The following TMEM150C variants were observed in gnomAD, a reference collection of about 807,000 sequenced individuals.
TMEM150C encodes the protein tentonin 3.
TMEM150C carries 10 observed loss-of-function variants against 29.9 expected under a neutral mutation model. That is an observed-to-expected ratio of 0.33 (90% CI 0.21 to 0.57). The LOEUF is 0.57. TMEM150C is among the 20% of genes least tolerant of loss of function. The pLI is 0.88. For missense variants in TMEM150C, 251 were observed against 303.6 expected (o/e 0.83, Z 1.29); for synonymous variants, 101 against 112.5 (o/e 0.90, Z 0.64).
intron 1 of TMEM150C, among the ~76,000 whole-genome samples, chr4:82,547,493 G>T (rs1725425637): frequency 2.0e-5 from 3 of 152,126 alleles, no homozygotes; most frequent in Admixed American, 6.5e-5. Context: ...GGAGACTGGG[G>T]CAGGAGAATA....
chr4:82,505,311 TGTTG>T (rs2110070532), intron 1 of TMEM150C, among the ~76,000 whole-genome samples: 1 of 152,268 alleles, frequency 6.6e-6, no homozygotes, highest in Non-Finnish European at 1.5e-5. Flanking sequence ...CCTTCCAAAG[TGTTG>T]AGATTACAGG....
At chr4:82,505,994 G>A (rs1723907320) in intron 1 of TMEM150C, among the ~76,000 whole-genome samples, 1 of 152,122 alleles carries the variant, frequency 6.6e-6, no homozygotes, top group Non-Finnish European at 1.5e-5. Context: ...CTGGGGACCT[G>A]ACAATCAGAA....
intron 1 of TMEM150C, among the ~76,000 whole-genome samples, chr4:82,553,733 T>C (rs746126547): frequency 4.6e-5 from 7 of 152,242 alleles, no homozygotes; most frequent in Non-Finnish European, 7.3e-5. Flanking sequence ...AATTGCTACA[T>C]TTATGATTCT....
chr4:82,543,944 A>T (rs536742115), intron 1 of TMEM150C, among the ~76,000 whole-genome samples: 20 of 152,270 alleles, frequency 1.3e-4, no homozygotes, highest in Admixed American at 4.6e-4. Flanking sequence ...TCCTCCTTTG[A>T]TACATAAGAA....
In TMEM150C at chr4:82,518,796, T is replaced by C. The variant is rs544299545; in HGVS notation, c.-10-14129A>G. On this transcript the variant is annotated intron_variant, in intron 1 of 7. Coordinates refer to ENST00000449862, the MANE Select transcript of TMEM150C (RefSeq NM_001080506.3). ...AGGATTGGAACCTGACTAATTCACC[T>C]TTAAAGCAGCTCTACGGTACTTGGT... 1.2e-3 allele frequency among the ~76,000 whole-genome samples: 176 copies of C among 152,326 alleles called. 7 individuals are homozygous for C. The South Asian group carries it at 0.034, about 30-fold the overall frequency.
At chr4:82,527,670 C>T (rs543696169) in intron 1 of TMEM150C, among the ~76,000 whole-genome samples, 3 of 152,300 alleles carry the variant, frequency 2.0e-5, no homozygotes, top group Admixed American at 2.0e-4. Context: ...CCCTTCCTAA[C>T]TCTCTGCCCA....
intron 7 of TMEM150C, 78 bp from the exon 8 acceptor site, chr4:82,485,797 T>C: frequency 1.5e-6 from 2 of 1,363,006 alleles, no homozygotes; most frequent in Non-Finnish European, 2.0e-6. Flanking sequence ...AGACAGATTA[T>C]AGGAAAAGTC....
intron 1 of TMEM150C, among the ~76,000 whole-genome samples, chr4:82,549,123 T>C (rs570043944): frequency 7.0e-6 from 1 of 143,486 alleles, no homozygotes; most frequent in African/African-American, 2.9e-5. Flanking sequence ...TTACATTTGA[T>C]GTGCAATCTT....
At chr4:82,561,307 A>G (rs1027899527) in intron 1 of TMEM150C, among the ~76,000 whole-genome samples, 1 of 152,158 alleles carries the variant, frequency 6.6e-6, no homozygotes, top group African/African-American at 2.4e-5. Context: ...TTTCTTCCCA[A>G]GTGTGCGCCC....
chr4:82,559,984 G>C (rs1168998265), intron 1 of TMEM150C, among the ~76,000 whole-genome samples: 1 of 152,190 alleles, frequency 6.6e-6, no homozygotes, highest in African/African-American at 2.4e-5. Flanking sequence ...AGACAAGAGT[G>C]TAAAGCAAAG....
At chr4:82,503,889 T>C (rs924160147) in intron 2 of TMEM150C, among the ~76,000 whole-genome samples, 1 of 151,560 alleles carries the variant, frequency 6.6e-6, no homozygotes, top group African/African-American at 2.4e-5. Flanking sequence ...CAAAAACATA[T>C]CAGACCCAAT....
rs144204184 is a variant in TMEM150C, at chr4:82,485,064, A to T, written c.*447T>A. ...CCGTCCTATTCTATGATACACTATTATCCACTCAAGAATATTAGTGCCAGA... is the reference window on the plus strand; with the variant it reads ...CCGTCCTATTCTATGATACACTATTTTCCACTCAAGAATATTAGTGCCAGA... On this transcript the variant is annotated 3_prime_UTR_variant, in exon 8 of 8. Transcript: ENST00000449862. 471 of 175,802 alleles carry T rather than the reference A, an allele frequency of 2.7e-3. 2 individuals carry two copies. Among genetic ancestry groups the T allele is most frequent in the African/African-American group, 0.011 (443 of 42,104 alleles). The allele number at this position is 175,802 out of a possible 1,614,324, so 10.9% of individuals were successfully genotyped here.
chr4:82,521,727 C>T (rs1321816117), intron 1 of TMEM150C, among the ~76,000 whole-genome samples: 2 of 152,176 alleles, frequency 1.3e-5, no homozygotes, highest in East Asian at 3.8e-4. Context: ...GAGGGGATGA[C>T]ACACAGGGTA....
intron 1 of TMEM150C, among the ~76,000 whole-genome samples, chr4:82,522,758 A>G (rs1724527523): frequency 6.6e-6 from 1 of 152,208 alleles, no homozygotes; most frequent in Non-Finnish European, 1.5e-5. Flanking sequence ...GGGAATCTAT[A>G]GCCAAGGAGC....
rs769131906 is a variant in TMEM150C at position 82,485,518 on chromosome 4, T to TG, written c.742dup (p.Gln248ProfsTer29). On this transcript the variant is annotated frameshift_variant, in exon 8 of 8. Coordinates refer to ENST00000449862, the MANE Select transcript of TMEM150C (RefSeq NM_001080506.3). LOFTEE classifies it high-confidence loss of function. ...CAAGGAAAAACTGATGGTTTACACC[T>TG]GGTCAGTCTGATATTCAGAAGCTTC... 6.3e-7 allele frequency: 1 copy of TG among 1,597,310 alleles called. No homozygotes were observed. Among genetic ancestry groups the TG allele is most frequent in the Non-Finnish European group, 8.5e-7 (1 of 1,171,536 alleles).
intron 1 of TMEM150C, among the ~76,000 whole-genome samples, chr4:82,518,751 G>GC (rs1724378662): frequency 6.6e-6 from 1 of 152,188 alleles, no homozygotes; most frequent in Non-Finnish European, 1.5e-5. Flanking sequence ...CTTGCCACCT[G>GC]CCTGCACAAC....
intron 1 of TMEM150C, among the ~76,000 whole-genome samples, chr4:82,559,148 C>T (rs956003629): frequency 6.6e-6 from 1 of 152,166 alleles, no homozygotes; most frequent in African/African-American, 2.4e-5. Flanking sequence ...ATCCCACCAC[C>T]CTTTGCTGAC....
At position 82,561,937 on chromosome 4, in the gene TMEM150C, C is replaced by T; in HGVS notation, c.-42G>A. 4 of 1,050,352 alleles carry T rather than the reference C, an allele frequency of 3.8e-6. No homozygotes were observed. The highest frequency in any genetic ancestry group is 4.6e-6 in the Non-Finnish European group (4 of 868,322). The allele number at this position is 1,050,352 out of a possible 1,614,324, so 65.1% of individuals were successfully genotyped here. ...TGGTGCGGCGGGGCCGCTGTCGCCTCGAGGGGCTGTGACCTGCTGCGGTGG... is the reference window on the plus strand; with the variant it reads ...TGGTGCGGCGGGGCCGCTGTCGCCTTGAGGGGCTGTGACCTGCTGCGGTGG... On this transcript the variant is annotated 5_prime_UTR_variant, in exon 1 of 8. Coordinates refer to ENST00000449862, the MANE Select transcript of TMEM150C (RefSeq NM_001080506.3).
At chr4:82,509,241 G>A (rs988280391) in intron 1 of TMEM150C, among the ~76,000 whole-genome samples, 3 of 152,104 alleles carry the variant, frequency 2.0e-5, no homozygotes, top group Admixed American at 2.0e-4. Flanking sequence ...TCTACCGCTC[G>A]CTTTGTGACC....
Sources: gnomAD v4.1 joint callset for allele counts (sites outside exome capture counted in the v4.1 genomes callset) on GRCh38, gnomAD v4.1.1 for gene constraint, MANE v1.5 for transcripts, NCBI Gene and HGNC (gene_info 2026-07-23, HGNC 2026-07-21) for gene names.